ABHD12B: variants seen among roughly 807,000 people sequenced by gnomAD.
ABHD12B encodes the protein abhydrolase domain containing 12B.
ABHD12B carries 42 observed loss-of-function variants against 50.4 expected under a neutral mutation model. The observed-to-expected ratio is 0.83, with a 90% confidence interval of 0.65 to 1.08. ABHD12B has a LOEUF of 1.08. Ranked by LOEUF, ABHD12B falls within the 50% of genes least tolerant of loss-of-function variation. The pLI is 0.00. For missense variants in ABHD12B, 479 were observed against 447.7 expected, an observed-to-expected ratio of 1.07 and a Z score of -0.63; for synonymous variants, 167 against 160.3, an observed-to-expected ratio of 1.04 and a Z score of -0.32.
At chr14:50,875,513 C>T (rs1953878) in intron 1 of ABHD12B, among the ~76,000 whole-genome samples, 133,267 of 152,204 alleles carry the variant, frequency 0.88, 60,221 homozygotes, top group Non-Finnish European at 0.98. Context: ...CCCTGTGGGA[C>T]GCTGTGTGGT....
At chr14:50,878,576 C>G (rs1332680470) in intron 2 of ABHD12B, among the ~76,000 whole-genome samples, 169 bp from the exon 3 acceptor site, 1 of 152,252 alleles carries the variant, frequency 6.6e-6, no homozygotes, top group African/African-American at 2.4e-5. Context: ...TTTGCCCCTC[C>G]TCTGCAGGCT....
At chr14:50,899,486 T>A (rs751080979) in intron 9 of ABHD12B, among the ~76,000 whole-genome samples, 3 of 152,214 alleles carry the variant, frequency 2.0e-5, no homozygotes, top group African/African-American at 7.2e-5. Flanking sequence ...TTTTTCTTTT[T>A]AAAAAATTGT....
chr14:50,889,362 G>T (rs544910408), intron 9 of ABHD12B, among the ~76,000 whole-genome samples: 1 of 152,194 alleles, frequency 6.6e-6, no homozygotes, highest in Non-Finnish European at 1.5e-5. Context: ...TACAAAGGCC[G>T]GGAGTGGTGG....
intron 12 of ABHD12B, 27 bp downstream of exon 12, chr14:50,904,219 T>G (rs749063607): frequency 9.4e-5 from 152 of 1,613,218 alleles, no homozygotes; most frequent in Non-Finnish European, 1.3e-4. Flanking sequence ...TAAATGTATG[T>G]TGCCCTTCAA....
Position 50,888,916 on chromosome 14 carries a change from T to C in ABHD12B, c.780+13T>C, listed in dbSNP as rs1204660690. On this transcript the variant is annotated intron_variant, in intron 9 of 12. Transcript: ENST00000337334. ...TCCCTTGTTAAAGGTGAGACTCTGA[T>C]TCATCTTTACAAGGGATCAAAGTAG... 1 of 1,611,676 alleles carries C rather than the reference T, an allele frequency of 6.2e-7. No individual in the cohort carries two copies.
In ABHD12B at chr14:50,890,229, C is replaced by G. The variant is rs573908324; in HGVS notation, c.780+1326C>G. ...GTAGGTATGTAACATAAGTCAAATA[C>G]AATCTTTTTATTTAGTTTGTTTTTA... is the stretch of plus-strand genomic sequence containing the variant. On this transcript the variant is annotated intron_variant, in intron 9 of 12. Transcript: ENST00000337334. Among the ~76,000 whole-genome samples the G allele has an allele frequency of 4.1e-4, 63 of 152,178 alleles. 2 individuals carry two copies. The South Asian group carries it at 0.013, about 31-fold the overall frequency.
intron 9 of ABHD12B, chr14:50,891,849 G>A (rs2050124196): frequency 6.6e-6 from 1 of 152,194 alleles, no homozygotes; most frequent in Non-Finnish European, 1.5e-5. Flanking sequence ...CATATAGAGA[G>A]AGGTCTGGTG....
chr14:50,881,563 C>CTTTTTT (rs34965747), intron 4 of ABHD12B, 33 bp from the exon 5 acceptor site: 16 of 1,411,404 alleles, frequency 1.1e-5, no homozygotes, highest in South Asian at 1.1e-4. Flanking sequence ...CTAATTCTTG[C>CTTTTTT]TTTTTTTTTT....
intron 1 of ABHD12B, among the ~76,000 whole-genome samples, chr14:50,875,238 A>G (rs905267735): frequency 6.6e-6 from 1 of 152,228 alleles, no homozygotes; most frequent in Non-Finnish European, 1.5e-5. Context: ...CTTTGACAAA[A>G]AAGAGATACT....
chr14:50,880,812 T>C (rs2049932282), intron 4 of ABHD12B, among the ~76,000 whole-genome samples: 1 of 152,204 alleles, frequency 6.6e-6, no homozygotes, highest in Non-Finnish European at 1.5e-5. Context: ...AAGTTGGATG[T>C]TGATTTCAAA....
Position 50,878,686 on chromosome 14 carries a change from T to C in ABHD12B, c.233-59T>C, listed in dbSNP as rs961326939. The C allele has an allele frequency of 4.3e-6, 6 of 1,395,084 alleles. No homozygotes were observed. The East Asian group carries it at 9.2e-5, about 21-fold the overall frequency. 86.4% of individuals were successfully genotyped at this position (1,395,084 alleles called of 1,614,324 possible). On this transcript the variant is annotated intron_variant, in intron 2 of 12. Coordinates refer to ENST00000337334, the MANE Select transcript of ABHD12B (RefSeq NM_001206673.2). Reference sequence around the variant, plus strand: ...TGTGTAGGCTAATTCCTTTCTTTGATTGTGATTAAAAGGCATGGAATTTGA... The same window carrying C: ...TGTGTAGGCTAATTCCTTTCTTTGACTGTGATTAAAAGGCATGGAATTTGA...
Position 50,904,464 on chromosome 14 carries a change from A to G in ABHD12B, c.*98A>G. 2 of 1,494,486 alleles carry G rather than the reference A, an allele frequency of 1.3e-6. No homozygotes were observed. The highest frequency in any genetic ancestry group is 1.9e-6 in the Non-Finnish European group (2 of 1,080,208). 92.6% of individuals were successfully genotyped at this position (1,494,486 alleles called of 1,614,324 possible). On this transcript the variant is annotated 3_prime_UTR_variant, in exon 13 of 13. Coordinates refer to ENST00000337334, the MANE Select transcript of ABHD12B (RefSeq NM_001206673.2). ...AAAATTGTACTGGGCTGGTCGGATG[A>G]GCTGAGGCCATTGACTTCTCTACAA...
rs1344437719 is a variant in ABHD12B, at chr14:50,878,007, A to T, written c.160A>T (p.Ser54Cys). The change falls in exon 2 of 13, where the codon AGC becomes TGC. Residue 54 changes from serine (S) to cysteine (C), a missense_variant. Transcript: ENST00000337334. ...LGRKIAALYD[S>C]FTSKSLKEHV... The stretch of plus-strand genomic sequence containing the variant: ...AAGAAAAATTGCTGCTCTGTATGAC[A>T]GCTTTACTAGTAAATCCTTAAAAGA... 6.5e-7 allele frequency: 1 copy of T among 1,535,292 alleles called. No homozygotes were observed. The highest frequency in any genetic ancestry group is 8.7e-7 in the Non-Finnish European group (1 of 1,146,622).
intron 1 of ABHD12B, among the ~76,000 whole-genome samples, chr14:50,873,605 G>A (rs2049817417): frequency 6.6e-6 from 1 of 152,182 alleles, no homozygotes; most frequent in South Asian, 2.1e-4. Context: ...ATGCCTCCCA[G>A]CTCTGGGTTG....
chr14:50,892,507 T>G, intron 9 of ABHD12B: 1 of 985,410 alleles, frequency 1.0e-6, no homozygotes, highest in Non-Finnish European at 1.2e-6. Context: ...CGTAACCTCT[T>G]AGGAGTGATG....
chr14:50,888,546 A>G (rs1366629600), intron 8 of ABHD12B, among the ~76,000 whole-genome samples: 1 of 152,016 alleles, frequency 6.6e-6, no homozygotes, highest in Non-Finnish European at 1.5e-5. Flanking sequence ...TTGTGTTCTT[A>G]GAAGAAGGTA....
At position 50,872,346 on chromosome 14, in the gene ABHD12B, G is replaced by A. The variant is rs181194043; in HGVS notation, c.104+68G>A. The A allele has an allele frequency of 2.2e-4, 256 of 1,143,446 alleles. 5 individuals are homozygous for A. The East Asian group carries it at 3.5e-3, about 16-fold the overall frequency. The allele number at this position is 1,143,446 out of a possible 1,614,324, so 70.8% of individuals were successfully genotyped here. A position where few individuals can be genotyped will look rare whatever the true frequency, so the allele number is the denominator to read the frequency against. On this transcript the variant is annotated intron_variant, in intron 1 of 12. Coordinates refer to ENST00000337334, the MANE Select transcript of ABHD12B (RefSeq NM_001206673.2). ...CAGGCTGCGCGGGGATGGGGCAGGG[G>A]GCCAGGGCGCGGCCGAGGCCGCAAT...
chr14:50,899,114 AC>A (rs2050233026), intron 9 of ABHD12B, among the ~76,000 whole-genome samples: 1 of 152,110 alleles, frequency 6.6e-6, no homozygotes, highest in Non-Finnish European at 1.5e-5. Context: ...AATCACTTGA[AC>A]CCGGGAGGCG....
At chr14:50,888,783 G>T in intron 8 of ABHD12B, 41 bp from the exon 9 acceptor site, 1 of 1,552,482 alleles carries the variant, frequency 6.4e-7, no homozygotes, top group South Asian at 1.1e-5. Context: ...TATTTGAATA[G>T]GGGAGTTACT....
Sources: gnomAD v4.1 joint callset for allele counts (sites outside exome capture counted in the v4.1 genomes callset) on GRCh38, gnomAD v4.1.1 for gene constraint, MANE v1.5 for transcripts, NCBI Gene and HGNC (gene_info 2026-07-23, HGNC 2026-07-21) for gene names.